CDK13: variants seen among roughly 807,000 people sequenced by gnomAD.
The protein encoded by CDK13 is cyclin-dependent kinase 13.
A neutral mutation model predicts 137.6 loss-of-function variants in CDK13; 40 were observed. The ratio of observed to expected loss-of-function variants is 0.29; its 90% CI spans 0.23 to 0.38. CDK13 has a LOEUF of 0.38. CDK13 is among the 10% of genes least tolerant of loss of function. CDK13 has a pLI of 1.00. For synonymous variants in CDK13, 869 were observed against 760.1 expected (o/e 1.14, Z -2.36); for missense variants, 1,704 against 1,951.8 (o/e 0.87, Z 2.39).
chr7:40,000,885 G>C (rs1323884320), intron 4 of CDK13, among the ~76,000 whole-genome samples: 1 of 152,002 alleles, frequency 6.6e-6, no homozygotes, highest in African/African-American at 2.4e-5. Flanking sequence ...CTTGTAATAG[G>C]CTTCGTGTAT....
intron 1 of CDK13, among the ~76,000 whole-genome samples, chr7:39,954,022 A>C (rs958883177): frequency 2.0e-5 from 3 of 152,260 alleles, no homozygotes; most frequent in Admixed American, 6.5e-5. Context: ...AGGTCGTTGA[A>C]TTATTCAATA....
chr7:40,012,837 G>A (rs1441070508), intron 5 of CDK13, among the ~76,000 whole-genome samples: 2 of 151,622 alleles, frequency 1.3e-5, no homozygotes, highest in African/African-American at 4.9e-5. Flanking sequence ...ACTTGAACCC[G>A]GGAGGCGGAG....
chr7:39,957,028 A>G (rs1787427376), intron 1 of CDK13, among the ~76,000 whole-genome samples: 2 of 151,444 alleles, frequency 1.3e-5, no homozygotes, highest in South Asian at 4.2e-4. Context: ...AGACACTCCA[A>G]ACTCTCTTTT....
At chr7:40,067,779 C>G (rs988429544) in intron 9 of CDK13, 3 of 150,646 alleles carry the variant, frequency 2.0e-5, no homozygotes, top group Non-Finnish European at 4.4e-5. Context: ...GTGAACGCCC[C>G]CATCCCCCAT....
intron 9 of CDK13, chr7:40,073,255 G>A (rs1193126229): frequency 2.6e-5 from 4 of 152,124 alleles, no homozygotes; most frequent in Non-Finnish European, 4.4e-5. Flanking sequence ...TCTAACATGG[G>A]TTATATGATT....
At chr7:40,022,870 T>TA (rs1785157432) in intron 5 of CDK13, among the ~76,000 whole-genome samples, 1 of 151,840 alleles carries the variant, frequency 6.6e-6, no homozygotes, top group South Asian at 2.1e-4. Flanking sequence ...TTTTTTTTTT[T>TA]TTGCAGTTAG....
chr7:40,094,514 G>C lies in CDK13; in HGVS notation c.4073G>C (p.Ser1358Thr). Residue 1358 changes from serine (S) to threonine (T), a missense_variant, in exon 14 of 14, where the codon AGT becomes ACT. Around this residue, in one of 5 missense-constraint regions of CDK13, gnomAD observed 475 missense variants for 579.3 expected, o/e 0.82. Coordinates refer to ENST00000181839, the MANE Select transcript of CDK13 (RefSeq NM_003718.5). ...GTTAGCAATGATGGTCTAGGAAGCA[G>C]TTCTGCTCCACCACTAGAACGACGT... The part of the protein sequence containing the change: ...PYVSNDGLGS[S>T]SAPPLERRSF... 6.2e-7 allele frequency: 1 copy of C among 1,613,052 alleles called. No homozygotes were observed. The highest frequency in any genetic ancestry group is 8.5e-7 in the Non-Finnish European group (1 of 1,179,658).
intron 9 of CDK13, among the ~76,000 whole-genome samples, chr7:40,066,281 C>T (rs1469959678): frequency 6.6e-6 from 1 of 152,184 alleles, no homozygotes; most frequent in African/African-American, 2.4e-5. Flanking sequence ...TTGTAATGTT[C>T]TTTAAACTAT....
chr7:39,956,395 G>A (rs1361389163), intron 1 of CDK13, among the ~76,000 whole-genome samples: 4 of 152,004 alleles, frequency 2.6e-5, no homozygotes, highest in African/African-American at 4.8e-5. Context: ...TTTCTTTTCC[G>A]CTAACGCTAA....
intron 5 of CDK13, among the ~76,000 whole-genome samples, chr7:40,024,097 C>G (rs576681047): frequency 6.6e-6 from 1 of 152,278 alleles, no homozygotes; most frequent in East Asian, 1.9e-4. Flanking sequence ...TCATTTATCT[C>G]AGAGGAAGTA....
chr7:40,034,140 C>T (rs531155940), intron 5 of CDK13, among the ~76,000 whole-genome samples: 1 of 152,306 alleles, frequency 6.6e-6, no homozygotes, highest in Non-Finnish European at 1.5e-5. Flanking sequence ...GGAGGCCTCT[C>T]AGACAGGGTC....
chr7:40,055,247 G>C (rs887038800), intron 7 of CDK13, among the ~76,000 whole-genome samples: 29 of 151,068 alleles, frequency 1.9e-4, no homozygotes, highest in Non-Finnish European at 3.4e-4. Flanking sequence ...ATTATGTAAA[G>C]TGGAGTGGTT....
At chr7:40,061,835 G>A (rs752075611) in intron 7 of CDK13, 15 of 152,272 alleles carry the variant, frequency 9.9e-5, no homozygotes, top group East Asian at 3.9e-4. Flanking sequence ...TGCTGTTTTC[G>A]TCAAACCTGA....
chr7:39,954,141 TAAAATATA>T (rs1490990445), intron 1 of CDK13, among the ~76,000 whole-genome samples: 4 of 152,264 alleles, frequency 2.6e-5, no homozygotes, highest in Non-Finnish European at 4.4e-5. Flanking sequence ...GCTAACCCTT[TAAAATATA>T]AAGACAGTTG....
intron 6 of CDK13, 53 bp downstream of exon 6, chr7:40,046,078 A>C: frequency 3.3e-5 from 36 of 1,094,688 alleles, no homozygotes; most frequent in Non-Finnish European, 4.8e-5. Flanking sequence ...ATGGACATGT[A>C]CATGGAGAGA....
intron 7 of CDK13, among the ~76,000 whole-genome samples, chr7:40,055,011 A>G (rs567368255): frequency 5.3e-5 from 8 of 152,284 alleles, no homozygotes; most frequent in Admixed American, 5.2e-4. Flanking sequence ...TGAGATCTCT[A>G]TTTTAAAAAA....
intron 1 of CDK13, 99 bp downstream of exon 1, chr7:39,951,951 C>A: frequency 1.6e-6 from 2 of 1,224,966 alleles, no homozygotes; most frequent in Non-Finnish European, 2.1e-6. Context: ...CGACTCAGGT[C>A]CACCACCGAG....
At chr7:40,010,228 C>G (rs1401172739) in intron 5 of CDK13, among the ~76,000 whole-genome samples, 1 of 152,062 alleles carries the variant, frequency 6.6e-6, no homozygotes, top group Non-Finnish European at 1.5e-5. Context: ...GAGACAGTGA[C>G]AGATCATCAG....
At chr7:40,006,705 C>T (rs1438611619) in intron 5 of CDK13, among the ~76,000 whole-genome samples, 1 of 152,138 alleles carries the variant, frequency 6.6e-6, no homozygotes, top group Admixed American at 6.5e-5. Flanking sequence ...TCGCTTGAAC[C>T]CGGGAGGCAG....
Sources: gnomAD v4.1 joint callset for allele counts (sites outside exome capture counted in the v4.1 genomes callset) on GRCh38, gnomAD v4.1.1 for gene constraint, gnomAD v4.1.1 regional missense constraint, MANE v1.5 for transcripts, NCBI Gene and HGNC (gene_info 2026-07-23, HGNC 2026-07-21) for gene names.